The following LPP variants were observed in gnomAD, a reference collection of about 807,000 sequenced individuals.
LPP encodes LIM domain containing preferred translocation partner in lipoma.
Under a neutral mutation model 60.4 loss-of-function variants are expected in LPP, and 38 were observed. The observed-to-expected ratio is 0.63, with a 90% confidence interval of 0.49 to 0.83. The LOEUF (loss-of-function observed/expected upper bound fraction) is 0.83, where lower values mean the gene tolerates loss of function less well. Ranked by LOEUF, LPP falls within the 40% of genes least tolerant of loss-of-function variation. LPP has a pLI of 0.00. For missense variants in LPP, 902 were observed against 783.6 expected (o/e 1.15, Z -1.80); for synonymous variants, 328 against 290.8 (o/e 1.13, Z -1.30).
chr3:188,822,695 G>C (rs1754314835), intron 9 of LPP, among the ~76,000 whole-genome samples: 1 of 152,150 alleles, frequency 6.6e-6, no homozygotes, highest in African/African-American at 2.4e-5. Context: ...GAACAGGGCA[G>C]AGCTTGTCAT....
rs75747430 is a variant in LPP at position 188,632,221 on chromosome 3, A to G, written c.1113+22377A>G. Among the ~76,000 whole-genome samples, 949 of 152,310 alleles carry G rather than the reference A, an allele frequency of 6.2e-3. 5 individuals carry two copies. Among genetic ancestry groups the G allele is most frequent in the Non-Finnish European group, 0.01 (710 of 68,018 alleles). On this transcript the variant is annotated intron_variant, in intron 7 of 11. Transcript: ENST00000617246. Reference sequence around the variant, plus strand: ...GACCCCATGTTGAAGAATAAGATACATATGCTGATGTCTACAGCACTGCAT... The same window carrying G: ...GACCCCATGTTGAAGAATAAGATACGTATGCTGATGTCTACAGCACTGCAT...
intron 4 of LPP, among the ~76,000 whole-genome samples, chr3:188,448,483 T>C (rs1177773202): frequency 6.6e-6 from 1 of 152,038 alleles, no homozygotes; most frequent in East Asian, 1.9e-4. Flanking sequence ...TAGATATCTT[T>C]ATCTAAATAT....
At chr3:188,531,763 G>A (rs180905403) in intron 6 of LPP, among the ~76,000 whole-genome samples, 167 of 152,036 alleles carry the variant, frequency 1.1e-3, no homozygotes, top group African/African-American at 3.9e-3. Flanking sequence ...ATCCTTTATC[G>A]TATCCTCTAT....
intron 7 of LPP, among the ~76,000 whole-genome samples, chr3:188,618,598 T>C (rs993819038): frequency 1.3e-5 from 2 of 152,196 alleles, no homozygotes; most frequent in African/African-American, 2.4e-5. Flanking sequence ...ACATAAAATA[T>C]TCCTTTGGCG....
At chr3:188,222,056 C>T (rs933915722) in intron 1 of LPP, among the ~76,000 whole-genome samples, 3 of 152,074 alleles carry the variant, frequency 2.0e-5, no homozygotes, top group African/African-American at 7.2e-5. Flanking sequence ...GGAAATTTTT[C>T]TTATGGTTGA....
intron 3 of LPP, among the ~76,000 whole-genome samples, chr3:188,356,965 A>T (rs1374015143): frequency 6.6e-6 from 1 of 152,180 alleles, no homozygotes; most frequent in Non-Finnish European, 1.5e-5. Context: ...GAGGTGGGTG[A>T]ATGCCCACAA....
intron 2 of LPP, among the ~76,000 whole-genome samples, chr3:188,293,249 G>A (rs970888840): frequency 6.6e-6 from 1 of 152,190 alleles, no homozygotes; most frequent in Non-Finnish European, 1.5e-5. Flanking sequence ...CAGAAAATGT[G>A]GTTTTTCTTG....
chr3:188,165,464 G>T (rs1250451201), intron 1 of LPP, among the ~76,000 whole-genome samples: 6 of 152,156 alleles, frequency 3.9e-5, no homozygotes, highest in Non-Finnish European at 8.8e-5. Context: ...AAAGTGCATG[G>T]TGCCTTGAAA....
chr3:188,262,021 G>A (rs1733828062), intron 2 of LPP, among the ~76,000 whole-genome samples: 1 of 152,224 alleles, frequency 6.6e-6, no homozygotes, highest in Non-Finnish European at 1.5e-5. Context: ...GTTAGAAACT[G>A]TTGCCTAAGT....
At chr3:188,685,799 T>C (rs1037976613) in intron 7 of LPP, among the ~76,000 whole-genome samples, 15 of 152,212 alleles carry the variant, frequency 9.9e-5, no homozygotes, top group African/African-American at 3.6e-4. Context: ...TACTGAGTTG[T>C]ATACATTCTT....
At chr3:188,366,457 G>A (rs1390609102) in intron 3 of LPP, among the ~76,000 whole-genome samples, 1 of 152,154 alleles carries the variant, frequency 6.6e-6, no homozygotes, top group African/African-American at 2.4e-5. Context: ...TGTCAGCGGT[G>A]TGCTGGGGGT....
chr3:188,740,928 A>T (rs1044898792), intron 8 of LPP, among the ~76,000 whole-genome samples: 3 of 152,140 alleles, frequency 2.0e-5, no homozygotes, highest in Admixed American at 2.0e-4. Flanking sequence ...GACCATGCAC[A>T]ATTATTATTT....
chr3:188,477,346 A>T (rs138063591), intron 4 of LPP, among the ~76,000 whole-genome samples: 1 of 152,340 alleles, frequency 6.6e-6, no homozygotes, highest in East Asian at 1.9e-4. Context: ...TAGTAGCTGG[A>T]TCAGTCAAAT....
chr3:188,733,664 AC>A (rs1189876308), intron 8 of LPP, among the ~76,000 whole-genome samples: 1 of 152,144 alleles, frequency 6.6e-6, no homozygotes, highest in Non-Finnish European at 1.5e-5. Flanking sequence ...GAAACTCTTG[AC>A]TTTGCTTGCT....
At chr3:188,597,841 A>T (rs6807988) in intron 6 of LPP, among the ~76,000 whole-genome samples, 20 of 152,032 alleles carry the variant, frequency 1.3e-4, no homozygotes, top group Non-Finnish European at 7.4e-5. Context: ...GAATAAAAAC[A>T]TATGGAAAAA....
intron 6 of LPP, among the ~76,000 whole-genome samples, chr3:188,602,486 AATTAT>A (rs1168955319): frequency 6.6e-6 from 1 of 151,778 alleles, no homozygotes; most frequent in Non-Finnish European, 1.5e-5. Flanking sequence ...CTCAGAAACC[AATTAT>A]ATTTATTTAT....
At chr3:188,432,805 C>G (rs758836677) in intron 4 of LPP, among the ~76,000 whole-genome samples, 1 of 152,072 alleles carries the variant, frequency 6.6e-6, no homozygotes, top group Non-Finnish European at 1.5e-5. Flanking sequence ...AGCTTGTAAC[C>G]TTTTCTTTTT....
At chr3:188,836,342 T>C (rs976246368) in intron 9 of LPP, among the ~76,000 whole-genome samples, 2 of 152,250 alleles carry the variant, frequency 1.3e-5, no homozygotes, top group African/African-American at 4.8e-5. Context: ...TTCATATTTC[T>C]ATAACAATAA....
chr3:188,521,220 A>G (rs1818768411), intron 5 of LPP, among the ~76,000 whole-genome samples: 1 of 152,196 alleles, frequency 6.6e-6, no homozygotes, highest in African/African-American at 2.4e-5. Context: ...GTTTTTGTGC[A>G]AAATCACACA....
Sources: gnomAD v4.1 joint callset for allele counts (sites outside exome capture counted in the v4.1 genomes callset) on GRCh38, gnomAD v4.1.1 for gene constraint, MANE v1.5 for transcripts, NCBI Gene and HGNC (gene_info 2026-07-23, HGNC 2026-07-21) for gene names.